The following SEMA4F variants were observed in gnomAD, a reference collection of about 807,000 sequenced individuals.
The protein encoded by SEMA4F is semaphorin-4F.
Under a neutral mutation model 78.4 loss-of-function variants are expected in SEMA4F, and 51 were observed. That is an observed-to-expected ratio of 0.65 (90% CI 0.52 to 0.82). The LOEUF is 0.82. Ranked by LOEUF, SEMA4F falls within the 40% of genes least tolerant of loss-of-function variation. The pLI is 0.00. For missense variants in SEMA4F, 938 were observed against 1,014.4 expected (o/e 0.92, Z 1.02); for synonymous variants, 418 against 408.7 (o/e 1.02, Z -0.27).
intron 6 of SEMA4F, 42 bp from the exon 7 acceptor site, chr2:74,673,635 T>C (rs767359218): frequency 1.8e-5 from 29 of 1,612,922 alleles, no homozygotes; most frequent in Admixed American, 3.3e-5. Context: ...TGGGAAGTCC[T>C]AGGTTGTGTC....
chr2:74,686,142 C>G (rs1685818648), downstream of SEMA4F, among the ~76,000 whole-genome samples: 1 of 151,874 alleles, frequency 6.6e-6, no homozygotes, highest in Non-Finnish European at 1.5e-5. Flanking sequence ...CTGTGTCACC[C>G]AGGCAGGAGT....
chr2:74,695,861 G>A, the SEMA4F span, among the ~76,000 whole-genome samples: 8 of 152,176 alleles, frequency 5.3e-5, no homozygotes, highest in Admixed American at 2.0e-4. Context: ...TCTGTACAAC[G>A]AAAGGGCACA....
At chr2:74,678,205 C>T (rs1685396542) in intron 12 of SEMA4F, among the ~76,000 whole-genome samples, 1 of 152,238 alleles carries the variant, frequency 6.6e-6, no homozygotes, top group East Asian at 1.9e-4. Context: ...TAGATATCCT[C>T]TATACTTGAG....
the SEMA4F span, among the ~76,000 whole-genome samples, chr2:74,694,796 T>C: frequency 6.6e-6 from 1 of 152,234 alleles, no homozygotes; most frequent in Admixed American, 6.5e-5. Flanking sequence ...AAGTCAAGAC[T>C]TATGCTGGAC....
At chr2:74,661,767 C>T (rs1684436642) in intron 4 of SEMA4F, among the ~76,000 whole-genome samples, 1 of 152,172 alleles carries the variant, frequency 6.6e-6, no homozygotes, top group African/African-American at 2.4e-5. Flanking sequence ...GCCAGTAGTA[C>T]ACTTATTTTT....
the SEMA4F span, among the ~76,000 whole-genome samples, chr2:74,708,950 G>C: frequency 1.3e-5 from 2 of 152,152 alleles, no homozygotes; most frequent in African/African-American, 4.8e-5. Context: ...AGGATCGCTT[G>C]AGCCCAGGAG....
At chr2:74,701,292 C>G in the SEMA4F span, among the ~76,000 whole-genome samples, 2 of 152,130 alleles carry the variant, frequency 1.3e-5, no homozygotes, top group East Asian at 1.9e-4. Flanking sequence ...CCTTACCCAG[C>G]CTGGGACCCA....
chr2:74,654,752 G>C (rs1419291863), intron 1 of SEMA4F, among the ~76,000 whole-genome samples: 1 of 152,166 alleles, frequency 6.6e-6, no homozygotes, highest in East Asian at 1.9e-4. Flanking sequence ...TCGCGCCTCG[G>C]CTCCCACGAC....
chr2:74,677,423 A>G (rs907482484), intron 12 of SEMA4F, among the ~76,000 whole-genome samples: 2 of 152,168 alleles, frequency 1.3e-5, no homozygotes, highest in Non-Finnish European at 2.9e-5. Context: ...TATCTCTAAC[A>G]TACAAGGGCT....
At chr2:74,678,717 G>A (rs375536875) in intron 12 of SEMA4F, among the ~76,000 whole-genome samples, 4 of 152,112 alleles carry the variant, frequency 2.6e-5, no homozygotes, top group South Asian at 2.1e-4. Context: ...TGGAGCTTCC[G>A]GCTGGATGAC....
At chr2:74,662,710 A>G (rs1039647250) in intron 4 of SEMA4F, 22 bp from the exon 5 acceptor site, 13 of 1,604,188 alleles carry the variant, frequency 8.1e-6, no homozygotes, top group African/African-American at 1.3e-5. Flanking sequence ...CCCTAAACCA[A>G]TTGCCCCCTT....
the SEMA4F span, among the ~76,000 whole-genome samples, chr2:74,695,458 G>A: frequency 2.0e-5 from 3 of 152,108 alleles, no homozygotes; most frequent in Admixed American, 2.0e-4. Flanking sequence ...AGAGCAGTTG[G>A]CTCACCTTGT....
intron 5 of SEMA4F, among the ~76,000 whole-genome samples, chr2:74,663,810 A>G (rs2104942517): frequency 6.6e-6 from 1 of 152,298 alleles, no homozygotes; most frequent in African/African-American, 2.4e-5. Flanking sequence ...TCACATATCA[A>G]TGTGAGTTTT....
chr2:74,676,911 G>A (rs1236891197), intron 12 of SEMA4F, among the ~76,000 whole-genome samples: 2 of 151,942 alleles, frequency 1.3e-5, no homozygotes, highest in African/African-American at 4.8e-5. Context: ...TTGTTTGTTT[G>A]TTGTTTTTGA....
intron 8 of SEMA4F, 82 bp downstream of exon 8, chr2:74,674,758 G>A: frequency 3.2e-6 from 5 of 1,565,144 alleles, no homozygotes; most frequent in Non-Finnish European, 4.3e-6. Flanking sequence ...CTCTTCCAGA[G>A]GGGGCAGGCT....
intron 4 of SEMA4F, among the ~76,000 whole-genome samples, chr2:74,661,958 T>G (rs954848541): frequency 2.6e-5 from 4 of 152,220 alleles, no homozygotes; most frequent in African/African-American, 9.6e-5. Context: ...GAAATCATCC[T>G]TGTTTTTAGA....
In SEMA4F at chr2:74,680,191, T is replaced by G; in HGVS notation, c.2295T>G (p.Cys765Trp). 1 of 1,578,738 alleles carries G rather than the reference T, an allele frequency of 6.3e-7. No homozygotes were observed. The highest frequency in any genetic ancestry group is 8.6e-7 in the Non-Finnish European group (1 of 1,157,762). ...IRLTGAPLAT[C>W]DETSI ...TAACTGGGGCTCCTCTAGCCACATG[T>G]GATGAAACATCCATCTAGAGCTGGG... The change falls in exon 14 of 14, where the codon TGT becomes TGG. Residue 765 changes from cysteine to tryptophan, a missense_variant. Transcript: ENST00000357877.
At chr2:74,674,726 G>A (rs747088139) in intron 8 of SEMA4F, 50 bp downstream of exon 8, 5 of 1,595,580 alleles carry the variant, frequency 3.1e-6, no homozygotes, top group East Asian at 4.5e-5. Context: ...GATATGTGGG[G>A]TTGGCACAAT....
At chr2:74,707,567 G>A in the SEMA4F span, among the ~76,000 whole-genome samples, 1 of 151,792 alleles carries the variant, frequency 6.6e-6, no homozygotes, top group East Asian at 1.9e-4. Flanking sequence ...AATAGGTTCA[G>A]ATTTGCCCTC....
Sources: gnomAD v4.1 joint callset for allele counts (sites outside exome capture counted in the v4.1 genomes callset) on GRCh38, gnomAD v4.1.1 for gene constraint, MANE v1.5 for transcripts, NCBI Gene and HGNC (gene_info 2026-07-23, HGNC 2026-07-21) for gene names.